C9orf72: variants seen among roughly 807,000 people sequenced by gnomAD.
C9orf72 encodes guanine nucleotide exchange factor C9orf72.
A neutral mutation model predicts 51.6 loss-of-function variants in C9orf72; 44 were observed. The ratio of observed to expected loss-of-function variants is 0.85; its 90% confidence interval spans 0.67 to 1.10. The LOEUF (loss-of-function observed/expected upper bound fraction) is 1.10, where lower values mean the gene tolerates loss of function less well. Ranked by LOEUF, C9orf72 falls within the 50% of genes least tolerant of loss-of-function variation. The probability of loss-of-function intolerance (pLI) is 0.00; values close to 1 mark genes in which losing one functional copy is unlikely to be tolerated. For missense variants in C9orf72, 607 were observed against 570.6 expected (o/e 1.06, Z -0.65); for synonymous variants, 213 against 194.2 (o/e 1.10, Z -0.81).
At chr9:27,558,009 T>C (rs1273744887) in intron 7 of C9orf72, among the ~76,000 whole-genome samples, 1 of 150,910 alleles carries the variant, frequency 6.6e-6, no homozygotes, top group African/African-American at 2.4e-5. Flanking sequence ...TTCTCTGTTT[T>C]GCTCCTTGAC....
chr9:27,558,033 A>T (rs1469357548), intron 7 of C9orf72, among the ~76,000 whole-genome samples: 1 of 150,304 alleles, frequency 6.7e-6, no homozygotes, highest in East Asian at 1.9e-4. Flanking sequence ...AGACTCAAAT[A>T]AAAGAAAAAT....
At chr9:27,563,199 A>C (rs1427404974) in intron 3 of C9orf72, among the ~76,000 whole-genome samples, 1 of 152,190 alleles carries the variant, frequency 6.6e-6, no homozygotes, top group African/African-American at 2.4e-5. Flanking sequence ...CAAAATCAGC[A>C]CATATATTTT....
intron 3 of C9orf72, among the ~76,000 whole-genome samples, chr9:27,564,297 C>T (rs749176349): frequency 7.9e-5 from 12 of 151,952 alleles, no homozygotes; most frequent in African/African-American, 1.4e-4. Context: ...AAGAAGAGCA[C>T]TTAAAAGAGA....
At chr9:27,555,180 T>C (rs1045226713) in intron 8 of C9orf72, among the ~76,000 whole-genome samples, 10 of 152,184 alleles carry the variant, frequency 6.6e-5, no homozygotes, top group Admixed American at 2.6e-4. Flanking sequence ...TTTACCAATA[T>C]ATAAAAACTT....
intron 8 of C9orf72, chr9:27,554,688 AATT>A (rs1393854298): frequency 5.3e-5 from 21 of 398,204 alleles, no homozygotes; most frequent in Non-Finnish European, 8.4e-5. Flanking sequence ...CAGTGACTGG[AATT>A]ATTTTAAAAA....
At chr9:27,558,820 T>C (rs1238819661) in intron 6 of C9orf72, 1 of 443,182 alleles carries the variant, frequency 2.3e-6, no homozygotes, top group Non-Finnish European at 4.0e-6. Context: ...TTGGTAAATT[T>C]ACTGTATGGC....
chr9:27,570,879 C>G (rs1231808523), intron 1 of C9orf72, among the ~76,000 whole-genome samples: 1 of 151,636 alleles, frequency 6.6e-6, no homozygotes, highest in African/African-American at 2.4e-5. Flanking sequence ...AAGAAAAAAA[C>G]AAACAAACAA....
rs11292923 is a variant in C9orf72, at chr9:27,548,435, GAAAAAAAAAAAAAA to G, written c.1260-27_1260-14del. The G allele has an allele frequency of 3.3e-4, 58 of 174,890 alleles. 2 individuals are homozygous for G. The highest frequency in any genetic ancestry group is 8.7e-4 in the East Asian group (13 of 14,912). The allele number at this position is 174,890 out of a possible 1,614,324, so 10.8% of individuals were successfully genotyped here. ...TTTTCCCTTCTGCCTAAAAATAATG[GAAAAAAAAAAAAAA>G]AAAAAAAAAAAAGAAGCGCAAAAAT... On this transcript the variant is annotated splice_polypyrimidine_tract_variant and intron_variant, in intron 10 of 10. Coordinates refer to ENST00000380003, the MANE Select transcript of C9orf72 (RefSeq NM_018325.5).
intron 4 of C9orf72, among the ~76,000 whole-genome samples, chr9:27,562,087 A>C (rs1819364259): frequency 6.6e-6 from 1 of 152,218 alleles, no homozygotes. Flanking sequence ...AAGACACTAC[A>C]TTAAATATTA....
Position 27,560,018 on chromosome 9 carries a change from G to A in C9orf72, c.738+209C>T, listed in dbSNP as rs781149836. The A allele has an allele frequency of 6.1e-4, 177 of 292,554 alleles. 3 individuals are homozygous for A. Among genetic ancestry groups the A allele is most frequent in the Non-Finnish European group, 2.1e-4 (33 of 154,512 alleles). The allele number at this position is 292,554 out of a possible 1,614,324, so 18.1% of individuals were successfully genotyped here. Reference sequence around the variant, plus strand: ...ATACACTACTGACACTGGTATTTCCGAGCTATCAAAATAAACTGATAAATG... The same window carrying A: ...ATACACTACTGACACTGGTATTTCCAAGCTATCAAAATAAACTGATAAATG... On this transcript the variant is annotated intron_variant, in intron 6 of 10. Coordinates refer to ENST00000380003, the MANE Select transcript of C9orf72 (RefSeq NM_018325.5).
At chr9:27,552,873 AT>A (rs1820936748) in intron 8 of C9orf72, among the ~76,000 whole-genome samples, 1 of 151,998 alleles carries the variant, frequency 6.6e-6, no homozygotes, top group Non-Finnish European at 1.5e-5. Context: ...GTTTGCTAGT[AT>A]TTTGTTGAGG....
intron 6 of C9orf72, chr9:27,559,621 T>C (rs910576586): frequency 6.6e-6 from 1 of 152,164 alleles, no homozygotes; most frequent in African/African-American, 2.4e-5. Flanking sequence ...ATACACATAC[T>C]TATCTCTGAA....
intron 5 of C9orf72, chr9:27,561,268 C>T: frequency 1.8e-6 from 2 of 1,097,984 alleles, no homozygotes; most frequent in Non-Finnish European, 1.1e-6. Context: ...AGTTCATCTA[C>T]AGTACAACTT....
chr9:27,566,701 C>A lies in C9orf72; in HGVS notation c.420G>T (p.Arg140=). The change falls in exon 2 of 11, where the codon CGG becomes CGT. Residue 140 remains arginine (R), a synonymous_variant. Coordinates refer to ENST00000380003, the MANE Select transcript of C9orf72 (RefSeq NM_018325.5). ...CCTTATGCATCCATATTCTTCCTTTCCGGATTATATGTGTTAATCTATCAA... is the reference window on the plus strand; with the variant it reads ...CCTTATGCATCCATATTCTTCCTTTACGGATTATATGTGTTAATCTATCAA... ...VCVDRLTHII[R]KGRIWMHKER... The A allele has an allele frequency of 6.2e-7, 1 of 1,604,438 alleles. No homozygotes were observed. Among genetic ancestry groups the A allele is most frequent in the Non-Finnish European group, 8.5e-7 (1 of 1,173,900 alleles).
intron 7 of C9orf72, 110 bp from the exon 8 acceptor site, chr9:27,556,906 T>C (rs1438045991): frequency 2.7e-6 from 2 of 730,500 alleles, no homozygotes; most frequent in East Asian, 2.6e-5. Flanking sequence ...TCTAAAAATT[T>C]ATCCTAAGAA....
At position 27,551,864 on chromosome 9, in the gene C9orf72, G is replaced by A. The variant is rs561121189; in HGVS notation, c.1092-1157C>T. Among the ~76,000 whole-genome samples, 9 of 152,294 alleles carry A rather than the reference G, an allele frequency of 5.9e-5. No homozygotes were observed. The South Asian group carries it at 1.9e-3, about 32-fold the overall frequency. The stretch of plus-strand genomic sequence containing the variant: ...GTCATCTCTGATTTCTTTCAGCAGT[G>A]TTTTGTAATTCTCATAGAGATCTTT... On this transcript the variant is annotated intron_variant, in intron 8 of 10. Coordinates refer to ENST00000380003, the MANE Select transcript of C9orf72 (RefSeq NM_018325.5).
At chr9:27,555,278 T>C (rs1820986234) in intron 8 of C9orf72, among the ~76,000 whole-genome samples, 1 of 152,186 alleles carries the variant, frequency 6.6e-6, no homozygotes, top group Non-Finnish European at 1.5e-5. Context: ...TCTGGAGAAC[T>C]AGGAAAAAAT....
chr9:27,552,217 CT>C (rs1820922667), intron 8 of C9orf72, among the ~76,000 whole-genome samples: 1 of 152,162 alleles, frequency 6.6e-6, no homozygotes, highest in Non-Finnish European at 1.5e-5. Context: ...ACATCCTTGT[CT>C]TGTTACGGTT....
chr9:27,568,604 A>G (rs1337662326), intron 1 of C9orf72, among the ~76,000 whole-genome samples: 2 of 152,218 alleles, frequency 1.3e-5, no homozygotes, highest in Non-Finnish European at 2.9e-5. Context: ...AGTCAATGGT[A>G]GACTGCATAT....
Sources: allele counts gnomAD v4.1 joint callset (sites outside exome capture counted in the v4.1 genomes callset), GRCh38; gene constraint gnomAD v4.1.1; transcripts MANE v1.5; gene names NCBI Gene and HGNC (gene_info 2026-07-23, HGNC 2026-07-21).